ASIC2: variants seen among roughly 807,000 people sequenced by gnomAD.
The protein encoded by ASIC2 is acid-sensing ion channel 2.
A neutral mutation model predicts 57.3 loss-of-function variants in ASIC2; 25 were observed. The observed-to-expected ratio is 0.44, with a 90% CI of 0.32 to 0.61. ASIC2 has a LOEUF of 0.61. ASIC2 is among the 20% of genes least tolerant of loss of function. The pLI is 0.06. For missense variants in ASIC2, 641 were observed against 738.1 expected (o/e 0.87, Z 1.52); for synonymous variants, 319 against 307.5 (o/e 1.04, Z -0.39).
chr17:33,469,738 T>A (rs930845381), intron 1 of ASIC2, among the ~76,000 whole-genome samples: 1 of 152,216 alleles, frequency 6.6e-6, no homozygotes, highest in African/African-American at 2.4e-5. Context: ...GCTGATGTGA[T>A]ACCATATTAA....
chr17:33,664,540 A>G (rs888106762), intron 1 of ASIC2, among the ~76,000 whole-genome samples: 3 of 152,200 alleles, frequency 2.0e-5, no homozygotes, highest in Middle Eastern at 3.2e-3. Flanking sequence ...AAAAATGTAA[A>G]ATTAAGCCTC....
rs1460868871 is a variant in ASIC2, at chr17:33,271,857, C to T, written c.708+19551G>A. ...TCCTAAGCCCTCCAGTGGCTTCTCA[C>T]TGCAGTGGGAGTCATCTCCAAGTTC... On this transcript the variant is annotated intron_variant, in intron 1 of 9. Coordinates refer to ENST00000225823, the MANE Select transcript of ASIC2 (RefSeq NM_183377.2). Among the ~76,000 whole-genome samples, 6 of 152,258 alleles carry T rather than the reference C, an allele frequency of 3.9e-5. 1 individual carries two copies. The highest frequency in any genetic ancestry group is 3.9e-4 in the Admixed American group (6 of 15,290).
chr17:33,714,806 C>CTT (rs11323251), intron 1 of ASIC2, among the ~76,000 whole-genome samples: 7 of 124,110 alleles, frequency 5.6e-5, no homozygotes, highest in Non-Finnish European at 8.3e-5. Flanking sequence ...ATTCTGTGAC[C>CTT]TTTTTTTTTT....
chr17:33,184,994 A>G (rs1906134130), intron 1 of ASIC2, among the ~76,000 whole-genome samples: 1 of 152,214 alleles, frequency 6.6e-6, no homozygotes, highest in South Asian at 2.1e-4. Context: ...CTTTGAGAGC[A>G]TTAATGAAAG....
intron 1 of ASIC2, among the ~76,000 whole-genome samples, chr17:33,538,652 G>T (rs2091543482): frequency 2.0e-5 from 3 of 152,194 alleles, no homozygotes; most frequent in Admixed American, 2.0e-4. Flanking sequence ...AGGGGCATCA[G>T]CTGCTCCAGA....
intron 1 of ASIC2, among the ~76,000 whole-genome samples, chr17:33,971,720 C>T (rs1408857804): frequency 1.3e-5 from 2 of 151,992 alleles, no homozygotes; most frequent in African/African-American, 4.8e-5. Context: ...AATTATAACC[C>T]AAAAAGATTA....
chr17:33,292,517 G>A lies in ASIC2; in HGVS notation c.-402C>T. ...TGGACCTCGGGGGACCCTGAGCCGA[G>A]TCCCCCCTGCCCCGCCTAACCCCAG... On this transcript the variant is annotated 5_prime_UTR_variant, in exon 1 of 10. Transcript: ENST00000225823. 4.1e-6 allele frequency: 4 copies of A among 985,930 alleles called. No individual in the cohort carries two copies. The highest frequency in any genetic ancestry group is 4.8e-6 in the Non-Finnish European group (4 of 830,404). 61.1% of individuals were successfully genotyped at this position (985,930 alleles called of 1,614,324 possible).
chr17:33,800,142 T>A (rs886894706), intron 1 of ASIC2, among the ~76,000 whole-genome samples: 18 of 152,248 alleles, frequency 1.2e-4, no homozygotes, highest in African/African-American at 4.3e-4. Context: ...TGCATCTGCA[T>A]CTCAGGCCTT....
At chr17:34,000,742 C>T (rs976728211) in intron 1 of ASIC2, 7 of 152,194 alleles carry the variant, frequency 4.6e-5, no homozygotes, top group African/African-American at 7.2e-5. Context: ...GTATCCCCCA[C>T]GTCCTGTAGG....
chr17:33,306,351 G>C (rs1429284351), intron 1 of ASIC2, among the ~76,000 whole-genome samples: 1 of 152,076 alleles, frequency 6.6e-6, no homozygotes, highest in Non-Finnish European at 1.5e-5. Context: ...TTTCCCCCTA[G>C]CCTGTTTTTT....
intron 1 of ASIC2, among the ~76,000 whole-genome samples, chr17:33,547,252 A>T (rs1051789125): frequency 1.3e-5 from 2 of 148,290 alleles, no homozygotes; most frequent in African/African-American, 5.3e-5. Flanking sequence ...TGGATGGGGC[A>T]GCAGAGGGGG....
chr17:33,616,200 T>G (rs1905596273), intron 1 of ASIC2, among the ~76,000 whole-genome samples: 1 of 138,346 alleles, frequency 7.2e-6, no homozygotes, highest in Non-Finnish European at 1.5e-5. Context: ...CCCTTTCTTC[T>G]CTGGGTCCAA....
intron 1 of ASIC2, among the ~76,000 whole-genome samples, chr17:33,150,717 G>T (rs545448783): frequency 0.11 from 10,378 of 93,814 alleles, 785 homozygotes; most frequent in East Asian, 0.16. Context: ...GGGCGTAGTG[G>T]CGGGCGCCTG....
At chr17:34,038,219 A>G (rs1347681262) in intron 1 of ASIC2, 6 of 1,611,962 alleles carry the variant, frequency 3.7e-6, no homozygotes, top group Admixed American at 1.7e-5. Context: ...AGCATTCACA[A>G]TCTGCATGAT....
chr17:33,360,497 G>C (rs188868654), intron 1 of ASIC2, among the ~76,000 whole-genome samples: 2 of 152,272 alleles, frequency 1.3e-5, no homozygotes, highest in East Asian at 3.9e-4. Context: ...CCTTGCCTCT[G>C]CCTGTAGCCC....
intron 3 of ASIC2, among the ~76,000 whole-genome samples, chr17:33,085,158 A>G (rs2092129858): frequency 1.3e-5 from 2 of 152,180 alleles, no homozygotes; most frequent in Non-Finnish European, 1.5e-5. Flanking sequence ...AGGGCTTTCT[A>G]CTTCCTACGA....
At chr17:33,579,375 C>T (rs962800096) in intron 1 of ASIC2, among the ~76,000 whole-genome samples, 2 of 151,246 alleles carry the variant, frequency 1.3e-5, no homozygotes, top group Admixed American at 6.6e-5. Context: ...GTTTACAAAC[C>T]TCTAACACTC....
intron 1 of ASIC2, among the ~76,000 whole-genome samples, chr17:33,463,252 A>G (rs1912702126): frequency 6.6e-6 from 1 of 152,136 alleles, no homozygotes; most frequent in Non-Finnish European, 1.5e-5. Flanking sequence ...TTGACCCAGT[A>G]TCTGTCTTTC....
intron 1 of ASIC2, among the ~76,000 whole-genome samples, chr17:33,743,760 A>G (rs929892674): frequency 1.3e-5 from 2 of 152,182 alleles, no homozygotes; most frequent in Non-Finnish European, 2.9e-5. Flanking sequence ...TCTCTTCTGC[A>G]TCTCCAGACT....
Sources: allele counts gnomAD v4.1 joint callset (sites outside exome capture counted in the v4.1 genomes callset), GRCh38; gene constraint gnomAD v4.1.1; transcripts MANE v1.5; gene names NCBI Gene and HGNC (gene_info 2026-07-23, HGNC 2026-07-21).